UBR2: variants seen among roughly 807,000 people sequenced by gnomAD.
UBR2 encodes ubiquitin protein ligase E3 component n-recognin 2.
In UBR2, 92 loss-of-function variants were observed where a neutral mutation model predicts 247.9. That is an observed-to-expected ratio of 0.37 (90% CI 0.31 to 0.44). UBR2 has a LOEUF of 0.44. Among genes scored for constraint, UBR2 ranks in the 20% least tolerant of loss-of-function variants. UBR2 has a pLI of 1.00. For synonymous variants in UBR2, 672 were observed against 693.5 expected (o/e 0.97, Z 0.49); for missense variants, 1,613 against 2,112.6 (o/e 0.76, Z 4.64).
rs188852974 is a variant in UBR2 at position 42,641,977 on chromosome 6, A to G, written c.2031+285A>G. On this transcript the variant is annotated intron_variant, in intron 17 of 46. Transcript: ENST00000372901. ...AAAAACCCAGATTTTATCTATTTAA[A>G]TCAAATTGAATTAAAAGATAAAAGG... is the stretch of plus-strand genomic sequence containing the variant. Among the ~76,000 whole-genome samples the G allele has an allele frequency of 7.2e-5, 11 of 152,338 alleles. No individual in the cohort carries two copies. In the East Asian group the frequency reaches 1.9e-3, roughly 27 times the overall value.
chr6:42,676,172 C>G lies in UBR2; in HGVS notation c.4368C>G (p.Ile1456Met), dbSNP rs774944700. Residue 1456 changes from isoleucine to methionine, a missense_variant, in exon 39 of 47, where the codon ATC (isoleucine) becomes ATG (methionine). Around this residue, in one of 3 missense-constraint regions of UBR2, gnomAD observed 1,524 missense variants for 1,967.3 expected, o/e 0.77. Transcript: ENST00000372901. The part of the protein sequence containing the change: ...HLVTMAHIIQ[I>M]LLTSCTEENG... ...TTACTATGGCACACATCATACAGAT[C>G]TTACTTACCTCATGTACAGGTAACT... The G allele has an allele frequency of 8.7e-6, 14 of 1,608,878 alleles. No homozygotes were observed. The highest frequency in any genetic ancestry group is 1.2e-5 in the Non-Finnish European group (14 of 1,178,812).
chr6:42,630,995 C>A (rs1795674504), intron 11 of UBR2, among the ~76,000 whole-genome samples: 2 of 152,000 alleles, frequency 1.3e-5, no homozygotes, highest in South Asian at 2.1e-4. Context: ...TTTATAGAGA[C>A]AGGGTTTCAC....
intron 1 of UBR2, among the ~76,000 whole-genome samples, chr6:42,565,791 C>T (rs1483756771): frequency 6.6e-6 from 1 of 152,056 alleles, no homozygotes; most frequent in Non-Finnish European, 1.5e-5. Flanking sequence ...AACTCCCGAC[C>T]TCAGGTGATC....
intron 7 of UBR2, among the ~76,000 whole-genome samples, chr6:42,608,784 T>C (rs1328373294): frequency 6.6e-6 from 1 of 152,232 alleles, no homozygotes; most frequent in Non-Finnish European, 1.5e-5. Context: ...AAATTTCCTA[T>C]GCATATTCTT....
At chr6:42,568,802 C>T (rs1376740651) in intron 1 of UBR2, among the ~76,000 whole-genome samples, 2 of 152,098 alleles carry the variant, frequency 1.3e-5, no homozygotes, top group Admixed American at 1.3e-4. Context: ...TTACGCTTGC[C>T]ACCAGAAGTG....
chr6:42,596,674 C>G lies in UBR2; in HGVS notation c.531+2370C>G, dbSNP rs1489233149. Among the ~76,000 whole-genome samples the G allele has an allele frequency of 5.3e-5, 8 of 152,300 alleles. No homozygotes were observed. In the East Asian group the frequency reaches 1.2e-3, roughly 22 times the overall value. ...CATAAAAAGGAATGAAGAACTGATA[C>G]ATGCTACAACATGCATGAACCTCTA... On this transcript the variant is annotated intron_variant, in intron 4 of 46. Transcript: ENST00000372901.
At chr6:42,681,279 A>G (rs964663660) in intron 42 of UBR2, among the ~76,000 whole-genome samples, 5 of 152,062 alleles carry the variant, frequency 3.3e-5, no homozygotes, top group African/African-American at 1.2e-4. Context: ...CTGAAGTGGG[A>G]GGATCACTTG....
intron 2 of UBR2, among the ~76,000 whole-genome samples, chr6:42,588,374 C>G (rs554095704): frequency 6.6e-6 from 1 of 152,202 alleles, no homozygotes; most frequent in East Asian, 1.9e-4. Context: ...TAAACTTTGT[C>G]GAATTTTTAT....
At chr6:42,656,482 G>T (rs1378499277) in intron 26 of UBR2, among the ~76,000 whole-genome samples, 1 of 152,110 alleles carries the variant, frequency 6.6e-6, no homozygotes, top group Admixed American at 6.6e-5. Context: ...TCGCTTTCCA[G>T]CCCAAAAGAT....
intron 22 of UBR2, among the ~76,000 whole-genome samples, chr6:42,649,145 T>TAA (rs1796955859): frequency 6.6e-6 from 1 of 152,152 alleles, no homozygotes; most frequent in African/African-American, 2.4e-5. Context: ...GTAGCTGGGA[T>TAA]TACAGGCGCC....
Position 42,684,783 on chromosome 6 carries a change from C to T in UBR2, c.4776-11C>T, listed in dbSNP as rs773904074. On this transcript the variant is annotated splice_polypyrimidine_tract_variant and intron_variant, in intron 43 of 46. Transcript: ENST00000372901. ...TAATGGAGTGTTCTTTAATTTTTCT[C>T]TTTTTTTCAGATATCCAAGAGAATC... 2.5e-6 allele frequency: 4 copies of T among 1,598,348 alleles called. No homozygotes were observed. Among genetic ancestry groups the T allele is most frequent in the Non-Finnish European group, 3.4e-6 (4 of 1,171,130 alleles).
At chr6:42,680,365 G>T (rs1798969000) in intron 42 of UBR2, among the ~76,000 whole-genome samples, 2 of 152,148 alleles carry the variant, frequency 1.3e-5, no homozygotes, top group South Asian at 4.1e-4. Flanking sequence ...AAACAAATTT[G>T]CATGGAAGGG....
chr6:42,676,659 G>A, intron 39 of UBR2, 124 bp from the exon 40 acceptor site: 2 of 771,420 alleles, frequency 2.6e-6, no homozygotes, highest in East Asian at 2.7e-5. Flanking sequence ...AATTTTGCAT[G>A]TTTTCTAGGA....
chr6:42,608,942 T>G (rs944976729), intron 7 of UBR2, among the ~76,000 whole-genome samples: 1 of 152,216 alleles, frequency 6.6e-6, no homozygotes, highest in African/African-American at 2.4e-5. Flanking sequence ...AAATTCTTCC[T>G]TAATGTCTCA....
chr6:42,599,506 T>A (rs1407256876), intron 4 of UBR2, among the ~76,000 whole-genome samples: 1 of 152,194 alleles, frequency 6.6e-6, no homozygotes, highest in African/African-American at 2.4e-5. Context: ...GATTTAAACC[T>A]ATGTAGTATA....
intron 34 of UBR2, among the ~76,000 whole-genome samples, chr6:42,667,291 A>T (rs975594775): frequency 3.3e-5 from 5 of 151,764 alleles, no homozygotes. Context: ...AGCCAAGATC[A>T]TGCCACTGCT....
At chr6:42,642,046 C>T (rs1319736208) in intron 17 of UBR2, among the ~76,000 whole-genome samples, 1 of 151,976 alleles carries the variant, frequency 6.6e-6, no homozygotes, top group East Asian at 1.9e-4. Context: ...TTTTTATAGA[C>T]CTCACATAGG....
intron 12 of UBR2, 26 bp downstream of exon 12, chr6:42,632,741 C>G: frequency 1.3e-6 from 2 of 1,590,608 alleles, no homozygotes; most frequent in East Asian, 4.5e-5. Context: ...ATTATTAAAC[C>G]AGTTGCAATT....
intron 42 of UBR2, 111 bp downstream of exon 42, chr6:42,679,943 C>A: frequency 1.5e-6 from 1 of 656,648 alleles, no homozygotes; most frequent in Non-Finnish European, 2.5e-6. Flanking sequence ...GAATTCAACA[C>A]AAATAATTCA....
Sources: gnomAD v4.1 joint callset for allele counts (sites outside exome capture counted in the v4.1 genomes callset) on GRCh38, gnomAD v4.1.1 for gene constraint, gnomAD v4.1.1 regional missense constraint, MANE v1.5 for transcripts, NCBI Gene and HGNC (gene_info 2026-07-23, HGNC 2026-07-21) for gene names.